Variants in WDR49 observed in about 807,000 individuals in gnomAD.
The protein encoded by WDR49 is WD repeat domain 49.
Under a neutral mutation model 119.5 loss-of-function variants are expected in WDR49, and 107 were observed. That is an observed-to-expected ratio of 0.90 (90% CI 0.77 to 1.05). WDR49 has a LOEUF of 1.05. Among genes scored for constraint, WDR49 ranks in the 50% least tolerant of loss-of-function variants. The pLI is 0.00. For synonymous variants in WDR49, 425 were observed against 418.8 expected (o/e 1.01, Z -0.18); for missense variants, 1,240 against 1,220.5 (o/e 1.02, Z -0.24).
At chr3:167,654,376 A>T (rs187787270), upstream of WDR49, among the ~76,000 whole-genome samples, 142 of 152,262 alleles carry the variant, frequency 9.3e-4, no homozygotes, top group Non-Finnish European at 1.7e-3. Context: ...AAAATGTGAT[A>T]AAAAAACACA....
intron 16 of WDR49, among the ~76,000 whole-genome samples, chr3:167,517,802 T>G (rs1467805617): frequency 2.0e-5 from 3 of 152,044 alleles, no homozygotes; most frequent in African/African-American, 7.2e-5. Context: ...GTTACATATG[T>G]ATACATGTGC....
Position 167,536,993 on chromosome 3 carries a change from T to C in WDR49, c.1831A>G (p.Thr611Ala), listed in dbSNP as rs768291983. The C allele has an allele frequency of 3.8e-6, 6 of 1,578,710 alleles. No homozygotes were observed. Among genetic ancestry groups the C allele is most frequent in the African/African-American group, 1.4e-5 (1 of 73,084 alleles). The stretch of plus-strand genomic sequence containing the variant: ...TTGAAGTTTTGGGGTCGAAACACAG[T>C]AATAGCCCTAGCAAAAAGGATATAG... ...ASWKTIGRAI[T>A]VFRPQNFNQF... is the part of the protein sequence containing the mutation. The change falls in exon 11 of 19, where the codon ACT (threonine) becomes GCT (alanine). Residue 611 changes from threonine (T) to alanine (A), a missense_variant. Thr to Ala is a moderately conservative substitution (Grantham distance 58). Transcript: ENST00000682715.
chr3:167,496,363 A>G (rs1751353107), intron 18 of WDR49, among the ~76,000 whole-genome samples: 1 of 151,978 alleles, frequency 6.6e-6, no homozygotes, highest in African/African-American at 2.4e-5. Context: ...TCTAGAACCC[A>G]GCCAGTGGGA....
chr3:167,577,719 ATAAAC>A (rs1174634384), intron 7 of WDR49, among the ~76,000 whole-genome samples: 1 of 152,192 alleles, frequency 6.6e-6, no homozygotes, highest in Non-Finnish European at 1.5e-5. Flanking sequence ...AATATTTCAA[ATAAAC>A]TAGTCTATCC....
upstream of WDR49, chr3:167,654,046 C>G (rs894054216): frequency 2.0e-5 from 3 of 152,188 alleles, no homozygotes; most frequent in African/African-American, 7.2e-5. Flanking sequence ...CTTTCACTTC[C>G]CCCTCTCCAA....
Position 167,554,661 on chromosome 3 carries a change from T to C in WDR49, c.1812A>G (p.Lys604=). ...ATTCTCCTTTTTACCTTCCTATAGT[T>C]TTCCATGAGGCATAATCATACCTCT... ...GWERYDYASW[K]TIGRAITVFR... is the part of the protein sequence containing the mutation. Residue 604 remains lysine (K), a synonymous_variant, in exon 10 of 19, where the codon AAA becomes AAG. Coordinates refer to ENST00000682715, the MANE Select transcript of WDR49 (RefSeq NM_001366157.1). The C allele has an allele frequency of 1.3e-6, 2 of 1,530,994 alleles. No individual in the cohort carries two copies. Among genetic ancestry groups the C allele is most frequent in the Non-Finnish European group, 1.8e-6 (2 of 1,120,358 alleles). The allele number at this position is 1,530,994 out of a possible 1,614,324, so 94.8% of individuals were successfully genotyped here.
chr3:167,647,665 C>T (rs749949472), intron 2 of WDR49, among the ~76,000 whole-genome samples: 13 of 152,080 alleles, frequency 8.5e-5, no homozygotes, highest in Non-Finnish European at 1.3e-4. Flanking sequence ...AAGAGCAATG[C>T]GTGAGAAATG....
intron 2 of WDR49, among the ~76,000 whole-genome samples, chr3:167,646,471 A>G (rs923807468): frequency 3.3e-5 from 5 of 152,176 alleles, no homozygotes; most frequent in Non-Finnish European, 7.4e-5. Flanking sequence ...GAGGAAGCAG[A>G]ACAAGTTAGT....
Position 167,515,695 on chromosome 3 carries a change from ACT to A in WDR49, c.2774+6618_2774+6619del, listed in dbSNP as rs1273127936. ...TTCAAATAGGAAGAAAGGAAGTCAA[ACT>A]CTCTCTGTTTGCAGGTGACATGATA... is the stretch of plus-strand genomic sequence containing the variant. On this transcript the variant is annotated intron_variant, in intron 16 of 18. Coordinates refer to ENST00000682715, the MANE Select transcript of WDR49 (RefSeq NM_001366157.1). 3.3e-5 allele frequency among the ~76,000 whole-genome samples: 5 copies of A among 152,236 alleles called. No individual in the cohort carries two copies. The East Asian group carries it at 7.7e-4, about 24-fold the overall frequency.
intron 10 of WDR49, 25 bp from the exon 11 acceptor site, chr3:167,537,025 G>A (rs1448755828): frequency 2.6e-6 from 4 of 1,549,418 alleles, no homozygotes; most frequent in Non-Finnish European, 3.5e-6. Flanking sequence ...ATAGAATTTA[G>A]CTGTGGATCT....
chr3:167,604,533 G>GGAGC, intron 5 of WDR49, 65 bp from the exon 6 acceptor site: 11 of 1,434,668 alleles, frequency 7.7e-6, no homozygotes, highest in Non-Finnish European at 1.0e-5. Flanking sequence ...TTAGTAAAAT[G>GGAGC]GAGCTGTTTT....
intron 8 of WDR49, among the ~76,000 whole-genome samples, chr3:167,563,827 C>G (rs1261377073): frequency 6.7e-6 from 1 of 150,304 alleles, no homozygotes; most frequent in African/African-American, 2.5e-5. Flanking sequence ...CCATATAGTG[C>G]TATAGAACAC....
At chr3:167,645,792 A>G (rs989456098) in intron 2 of WDR49, among the ~76,000 whole-genome samples, 4 of 152,066 alleles carry the variant, frequency 2.6e-5, no homozygotes, top group Non-Finnish European at 5.9e-5. Flanking sequence ...CTCACACTCA[A>G]TTTTGTCTCT....
intron 17 of WDR49, among the ~76,000 whole-genome samples, chr3:167,504,683 C>T (rs900046173): frequency 6.6e-6 from 1 of 152,106 alleles, no homozygotes; most frequent in East Asian, 1.9e-4. Context: ...GGGAGAAGGA[C>T]ATGAGATTTG....
chr3:167,569,557 G>A (rs539331571), intron 8 of WDR49, among the ~76,000 whole-genome samples: 106 of 151,656 alleles, frequency 7.0e-4, no homozygotes, highest in African/African-American at 2.6e-3. Flanking sequence ...GTGGAGCTGG[G>A]CACAGTGCCT....
chr3:167,513,277 G>A (rs944230300), intron 16 of WDR49, among the ~76,000 whole-genome samples: 3 of 152,126 alleles, frequency 2.0e-5, no homozygotes, highest in African/African-American at 7.2e-5. Flanking sequence ...CTACAAACCA[G>A]AAGAGATTGG....
At chr3:167,523,219 A>G (rs538788865) in intron 15 of WDR49, among the ~76,000 whole-genome samples, 1 of 152,262 alleles carries the variant, frequency 6.6e-6, no homozygotes, top group Non-Finnish European at 1.5e-5. Flanking sequence ...AATAATATCA[A>G]TGAATGAATT....
intron 16 of WDR49, among the ~76,000 whole-genome samples, chr3:167,513,287 G>C (rs921527900): frequency 6.6e-6 from 1 of 152,096 alleles, no homozygotes; most frequent in Non-Finnish European, 1.5e-5. Flanking sequence ...GAAGAGATTG[G>C]GGGGAGGGGG....
At chr3:167,620,713 C>G in intron 4 of WDR49, 110 bp from the exon 5 acceptor site, 2 of 1,077,328 alleles carry the variant, frequency 1.9e-6, no homozygotes, top group Non-Finnish European at 1.3e-6. Context: ...ATAAGAATTT[C>G]TTCAATATTA....
Sources: gnomAD v4.1 joint callset for allele counts (sites outside exome capture counted in the v4.1 genomes callset) on GRCh38, gnomAD v4.1.1 for gene constraint, MANE v1.5 for transcripts, NCBI Gene and HGNC (gene_info 2026-07-23, HGNC 2026-07-21) for gene names.